Variants in ADAMTS16 observed in about 807,000 individuals in gnomAD.
The protein encoded by ADAMTS16 is ADAM metallopeptidase with thrombospondin type 1 motif 16.
Under a neutral mutation model 145.8 loss-of-function variants are expected in ADAMTS16, and 94 were observed. That is an observed-to-expected ratio of 0.64 (90% CI 0.55 to 0.77). The LOEUF (loss-of-function observed/expected upper bound fraction) is 0.77. Ranked by LOEUF, ADAMTS16 falls within the 30% of genes least tolerant of loss-of-function variation. The pLI is 0.00. For synonymous variants in ADAMTS16, 659 were observed against 604.3 expected (o/e 1.09, Z -1.33); for missense variants, 1,585 against 1,591.5 (o/e 1.00, Z 0.07).
In ADAMTS16 at chr5:5,247,422, G is replaced by A. The variant is rs572016623; in HGVS notation, c.2662+5231G>A. 2.0e-5 allele frequency among the ~76,000 whole-genome samples: 3 copies of A among 152,146 alleles called. No homozygotes were observed. The East Asian group carries it at 5.8e-4, about 29-fold the overall frequency. On this transcript the variant is annotated intron_variant, in intron 17 of 22. Transcript: ENST00000274181. ...GAGAAAAACAAAGGTTTGTTTCCCA[G>A]AGAGTGGGGTGTATTCCTCAGGGGC...
At position 5,140,388 on chromosome 5, in the gene ADAMTS16, G is replaced by T. The variant is rs529606441; in HGVS notation, c.-80G>T. 6.4e-4 allele frequency: 885 copies of T among 1,376,638 alleles called. 3 individuals carry two copies. The African/African-American group carries it at 0.012, about 19-fold the overall frequency. The allele number at this position is 1,376,638 out of a possible 1,614,324, so 85.3% of individuals were successfully genotyped here. On this transcript the variant is annotated 5_prime_UTR_variant, in exon 1 of 23. Coordinates refer to ENST00000274181, the MANE Select transcript of ADAMTS16 (RefSeq NM_139056.4). ...TGGGGAATCCTCCCGCGCTCTGCCT[G>T]GGTCGGGTCCTCCCTGCCCGCTCGC...
intron 10 of ADAMTS16, among the ~76,000 whole-genome samples, chr5:5,217,783 G>A (rs1042103443): frequency 6.6e-6 from 1 of 152,208 alleles, no homozygotes; most frequent in African/African-American, 2.4e-5. Flanking sequence ...TAAAGCAAGA[G>A]TAAATACTCT....
rs1438518606 is a variant in ADAMTS16, at chr5:5,291,867, T to G, written c.2790-11401T>G. On this transcript the variant is annotated intron_variant, in intron 18 of 22. Transcript: ENST00000274181. ...CATTATGGTGAGCCCAAAAGGAAAC[T>G]TCTAGTGATGTTACTATATTTAGGA... 2.6e-5 allele frequency among the ~76,000 whole-genome samples: 4 copies of G among 152,312 alleles called. No individual in the cohort carries two copies. In the South Asian group the frequency reaches 8.3e-4, roughly 32 times the overall value.
chr5:5,306,685 C>T lies in ADAMTS16; in HGVS notation c.3368C>T (p.Ala1123Val), dbSNP rs749227964. 3.6e-5 allele frequency: 58 copies of T among 1,613,456 alleles called. No individual in the cohort carries two copies. In the Admixed American group the frequency reaches 6.5e-4, roughly 18 times the overall value. The change falls in exon 21 of 23, where the codon GCG (alanine) becomes GTG (valine). Residue 1123 changes from alanine to valine, a missense_variant. Ala to Val is a moderately conservative substitution (Grantham distance 64). Coordinates refer to ENST00000274181, the MANE Select transcript of ADAMTS16 (RefSeq NM_139056.4). ...CCCAGGCACCCCCCATTTGCTGCTG[C>T]GGGACCCTCGAGGGGCAGCTGGTTT... is the stretch of plus-strand genomic sequence containing the variant. ...PCPRHPPFAAAGPSRGSWFAS... is the reference protein window; with the variant it reads ...PCPRHPPFAAVGPSRGSWFAS...
intron 18 of ADAMTS16, among the ~76,000 whole-genome samples, chr5:5,270,136 C>A (rs1460707935): frequency 6.6e-6 from 1 of 152,196 alleles, no homozygotes; most frequent in Admixed American, 6.5e-5. Flanking sequence ...CTGGGAGAAT[C>A]TTAAGGAGAA....
chr5:5,195,764 G>C (rs1049792508), intron 8 of ADAMTS16, among the ~76,000 whole-genome samples: 1 of 152,186 alleles, frequency 6.6e-6, no homozygotes, highest in Non-Finnish European at 1.5e-5. Flanking sequence ...GGCACAATTT[G>C]CATTCTGAGA....
intron 10 of ADAMTS16, among the ~76,000 whole-genome samples, chr5:5,213,664 C>T (rs1011599551): frequency 2.0e-5 from 3 of 152,144 alleles, no homozygotes; most frequent in African/African-American, 7.2e-5. Context: ...CCGGTACTCT[C>T]GTGTGTGGTT....
chr5:5,196,986 T>C (rs984066965), intron 8 of ADAMTS16, among the ~76,000 whole-genome samples: 4 of 152,224 alleles, frequency 2.6e-5, no homozygotes, highest in Admixed American at 6.5e-5. Context: ...CCGCAACTGC[T>C]GTCTTCAGCT....
At chr5:5,210,941 C>T (rs1299672969) in intron 10 of ADAMTS16, among the ~76,000 whole-genome samples, 2 of 152,178 alleles carry the variant, frequency 1.3e-5, no homozygotes, top group Non-Finnish European at 2.9e-5. Context: ...GATAACCTCA[C>T]TTGGTCGTAA....
At chr5:5,303,218 A>G in intron 18 of ADAMTS16, 50 bp from the exon 19 acceptor site, 1 of 1,479,060 alleles carries the variant, frequency 6.8e-7, no homozygotes, top group Non-Finnish European at 9.0e-7. Flanking sequence ...GGCCGCTTCT[A>G]TCAGAGTGAT....
intron 3 of ADAMTS16, among the ~76,000 whole-genome samples, chr5:5,153,162 T>C (rs1317503610): frequency 6.6e-6 from 1 of 152,268 alleles, no homozygotes; most frequent in Non-Finnish European, 1.5e-5. Flanking sequence ...AATGACTTTC[T>C]CATTGGTTTC....
At chr5:5,227,465 G>C (rs1015556791) in intron 11 of ADAMTS16, among the ~76,000 whole-genome samples, 2 of 151,500 alleles carry the variant, frequency 1.3e-5, no homozygotes, top group Admixed American at 6.6e-5. Flanking sequence ...TGACCTGATG[G>C]CTCCACCGGT....
chr5:5,273,374 C>CTG (rs1738560853), intron 18 of ADAMTS16, among the ~76,000 whole-genome samples: 1 of 152,014 alleles, frequency 6.6e-6, no homozygotes, highest in Non-Finnish European at 1.5e-5. Context: ...ATACAAAAAA[C>CTG]TTAGCTGATG....
At chr5:5,159,402 C>G (rs1734685734) in intron 3 of ADAMTS16, among the ~76,000 whole-genome samples, 1 of 152,160 alleles carries the variant, frequency 6.6e-6, no homozygotes, top group Non-Finnish European at 1.5e-5. Context: ...CTGTGGCCTC[C>G]TAGGGCTGAG....
intron 3 of ADAMTS16, among the ~76,000 whole-genome samples, chr5:5,154,988 G>T (rs1221784948): frequency 6.6e-6 from 1 of 152,040 alleles, no homozygotes. Flanking sequence ...TTTAAAGAGA[G>T]TGCTTGCTAT....
intron 7 of ADAMTS16, among the ~76,000 whole-genome samples, chr5:5,191,414 G>C (rs1317098002): frequency 3.9e-5 from 6 of 151,976 alleles, no homozygotes; most frequent in South Asian, 2.1e-4. Flanking sequence ...GGCTCTAATA[G>C]AGTCACGCCC....
Position 5,146,118 on chromosome 5 carries a change from T to G in ADAMTS16, c.176-12T>G. 6.2e-7 allele frequency: 1 copy of G among 1,608,046 alleles called. No individual in the cohort carries two copies. Among genetic ancestry groups the G allele is most frequent in the Non-Finnish European group, 8.5e-7 (1 of 1,174,878 alleles). On this transcript the variant is annotated splice_polypyrimidine_tract_variant and intron_variant, in intron 2 of 22. Transcript: ENST00000274181. ...GAAATGACTCAGCCTCTGCTCACTC[T>G]TTTGATTTCAGAATATGACCTGGTC... is the stretch of plus-strand genomic sequence containing the variant.
chr5:5,217,056 G>T (rs10475289), intron 10 of ADAMTS16, among the ~76,000 whole-genome samples: 1 of 151,726 alleles, frequency 6.6e-6, no homozygotes, highest in Non-Finnish European at 1.5e-5. Context: ...GAATAATGCC[G>T]CAATAAACAT....
chr5:5,177,032 G>A (rs1421376662), intron 3 of ADAMTS16, among the ~76,000 whole-genome samples: 6 of 152,200 alleles, frequency 3.9e-5, no homozygotes, highest in African/African-American at 1.4e-4. Flanking sequence ...TCCCAGTCCT[G>A]CTTCTCCTTC....
Sources: gnomAD v4.1 joint callset for allele counts (sites outside exome capture counted in the v4.1 genomes callset) on GRCh38, gnomAD v4.1.1 for gene constraint, MANE v1.5 for transcripts, NCBI Gene and HGNC (gene_info 2026-07-23, HGNC 2026-07-21) for gene names.